Variants in ALDOB observed in about 807,000 individuals in gnomAD.
ALDOB encodes aldolase, fructose-bisphosphate B.
In ALDOB, 39 loss-of-function variants were observed where a neutral mutation model predicts 41.0. That is an observed-to-expected ratio of 0.95 (90% CI 0.74 to 1.24). ALDOB has a LOEUF of 1.24. ALDOB is among the 50% of genes most tolerant of loss of function. The pLI, the probability that ALDOB is intolerant of heterozygous loss-of-function variation, is 0.00. For synonymous variants in ALDOB, 175 were observed against 168.8 expected, an observed-to-expected ratio of 1.04 and a Z score of -0.28; for missense variants, 530 against 457.3, an observed-to-expected ratio of 1.16 and a Z score of -1.45.
intron 3 of ALDOB, among the ~76,000 whole-genome samples, 197 bp from the exon 4 acceptor site, chr9:101,428,720 T>G (rs1367702518): frequency 6.6e-6 from 1 of 152,124 alleles, no homozygotes; most frequent in Non-Finnish European, 1.5e-5. Flanking sequence ...ACCCTAACAT[T>G]TATTGAGCAC....
At chr9:101,429,637 A>G (rs1180251444) in intron 3 of ALDOB, 118 bp downstream of exon 3, 3 of 989,066 alleles carry the variant, frequency 3.0e-6, no homozygotes, top group Non-Finnish European at 4.9e-6. Flanking sequence ...GACGATGGAA[A>G]AGGGTGAGAA....
chr9:101,434,873 C>A (rs1190677332), intron 1 of ALDOB, among the ~76,000 whole-genome samples: 1 of 152,158 alleles, frequency 6.6e-6, no homozygotes, highest in African/African-American at 2.4e-5. Context: ...TGATGAATAG[C>A]AGGGTAGCAG....
At chr9:101,433,907 T>A (rs1212826551) in intron 1 of ALDOB, among the ~76,000 whole-genome samples, 1 of 151,764 alleles carries the variant, frequency 6.6e-6, no homozygotes, top group Non-Finnish European at 1.5e-5. Context: ...CAGCTGAAAC[T>A]ACAGGCGCCT....
chr9:101,433,436 C>T (rs1831247763), intron 1 of ALDOB, among the ~76,000 whole-genome samples: 1 of 152,300 alleles, frequency 6.6e-6, no homozygotes, highest in Non-Finnish European at 1.5e-5. Context: ...AATCATAAAA[C>T]AGGGTCACAG....
At chr9:101,429,219 C>A (rs927802882) in intron 3 of ALDOB, among the ~76,000 whole-genome samples, 5 of 148,712 alleles carry the variant, frequency 3.4e-5, no homozygotes, top group African/African-American at 1.2e-4. Context: ...AGTGGTATGA[C>A]CATAGCTCAC....
intron 3 of ALDOB, among the ~76,000 whole-genome samples, chr9:101,428,856 C>G (rs1203589695): frequency 1.3e-5 from 2 of 152,136 alleles, no homozygotes; most frequent in African/African-American, 4.8e-5. Flanking sequence ...TCTGACCTTG[C>G]CTTGTTGTGT....
rs1386294364 is a variant in ALDOB at position 101,421,043 on chromosome 9, T to C, written c.*766A>G. On this transcript the variant is annotated 3_prime_UTR_variant, in exon 9 of 9. Transcript: ENST00000647789. ...CTCAAAATCATTCTACATTTTTAGCTGGCTTCGTATTGTGAATGGCTTTAA... is the reference window on the plus strand; with the variant it reads ...CTCAAAATCATTCTACATTTTTAGCCGGCTTCGTATTGTGAATGGCTTTAA... The C allele has an allele frequency of 6.6e-6, 1 of 152,330 alleles. No homozygotes were observed. Among genetic ancestry groups the C allele is most frequent in the African/African-American group, 2.4e-5 (1 of 41,466 alleles). The allele number at this position is 152,330 out of a possible 1,614,324, so 9.4% of individuals were successfully genotyped here.
chr9:101,435,402 T>G (rs1230937553), intron 1 of ALDOB, among the ~76,000 whole-genome samples: 1 of 151,580 alleles, frequency 6.6e-6, no homozygotes, highest in African/African-American at 2.4e-5. Context: ...ACGATAGGAG[T>G]GTTCAAGTTG....
At chr9:101,433,177 T>C (rs1394166001) in intron 1 of ALDOB, among the ~76,000 whole-genome samples, 1 of 152,244 alleles carries the variant, frequency 6.6e-6, no homozygotes, top group African/African-American at 2.4e-5. Flanking sequence ...ACATGAAGAT[T>C]CTTTACAAAG....
chr9:101,424,763 A>G (rs891703200), intron 8 of ALDOB, 80 bp downstream of exon 8: 6 of 1,559,076 alleles, frequency 3.8e-6, no homozygotes, highest in Non-Finnish European at 5.3e-6. Flanking sequence ...TGGCCCAAAG[A>G]AAACAATGCT....
In ALDOB at chr9:101,426,566, C is replaced by A. The variant is rs765827273; in HGVS notation, c.613G>T (p.Val205Phe). 6.2e-7 allele frequency: 1 copy of A among 1,609,886 alleles called. No individual in the cohort carries two copies. The highest frequency in any genetic ancestry group is 8.5e-7 in the Non-Finnish European group (1 of 1,176,184). Residue 205 changes from valine to phenylalanine, a missense_variant, in exon 6 of 9, where the codon GTT (valine) becomes TTT (phenylalanine). Transcript: ENST00000647789. ...TATTTAAAACTTACCTTCTCAGTAA[C>A]ATACTGGCAGTGTTCCAGGTCATGG... ...GDHDLEHCQYVTEKVLAAVYK... is the reference protein window; with the variant it reads ...GDHDLEHCQYFTEKVLAAVYK...
rs1214370478 is a variant in ALDOB at position 101,421,774 on chromosome 9, A to G, written c.*35T>C. 5 of 1,581,080 alleles carry G rather than the reference A, an allele frequency of 3.2e-6. No homozygotes were observed. Among genetic ancestry groups the G allele is most frequent in the Non-Finnish European group, 4.3e-6 (5 of 1,150,526 alleles). ...GTTGCTCCCTTTCAGCCCTCCTACT[A>G]GAAGCACTGGAGCTAGGCTGGCGGG... On this transcript the variant is annotated 3_prime_UTR_variant, in exon 9 of 9. Transcript: ENST00000647789.
rs200382297 is a variant in ALDOB, at chr9:101,428,496, C to T, written c.352G>A (p.Gly118Arg). The T allele has an allele frequency of 7.2e-5, 116 of 1,613,906 alleles. No homozygotes were observed. Among genetic ancestry groups the T allele is most frequent in the Non-Finnish European group, 9.7e-5 (114 of 1,179,932 alleles). ...TGAATGGTGGTTTCTTTGTTTGTTC[C>T]TGCAAGAGGAGCACCTCCTTGGTCT... ...KLDQGGAPLA[G>R]TNKETTIQGL... The change falls in exon 4 of 9, where the codon GGA (glycine) becomes AGA (arginine). Residue 118 changes from glycine to arginine, a missense_variant. By Grantham distance (125) the Gly-to-Arg change is moderately radical. Transcript: ENST00000647789.
intron 1 of ALDOB, among the ~76,000 whole-genome samples, chr9:101,435,175 C>T (rs1381033467): frequency 6.6e-6 from 1 of 152,174 alleles, no homozygotes; most frequent in African/African-American, 2.4e-5. Flanking sequence ...TGCATTTCCT[C>T]ATTTGAGCAG....
In ALDOB at chr9:101,427,586, C is replaced by T. The variant is rs766354850; in HGVS notation, c.436G>A (p.Gly146Arg). The change falls in exon 5 of 9, where the codon GGG becomes AGG. Residue 146 changes from glycine to arginine, a missense_variant. By Grantham distance (125) the Gly-to-Arg change is moderately radical. Transcript: ENST00000647789. ...ATCCTCAGCACAGCACGCCACTTCC[C>T]AAAGTCAACACCATCTTTCTTGTAC... ...AQYKKDGVDF[G>R]KWRAVLRIAD... 2 of 1,614,184 alleles carry T rather than the reference C, an allele frequency of 1.2e-6. No homozygotes were observed. Among genetic ancestry groups the T allele is most frequent in the Non-Finnish European group, 1.7e-6 (2 of 1,180,030 alleles).
chr9:101,434,904 C>T (rs1314068697), intron 1 of ALDOB, among the ~76,000 whole-genome samples: 1 of 152,126 alleles, frequency 6.6e-6, no homozygotes, highest in African/African-American at 2.4e-5. Flanking sequence ...CTGGTGCATC[C>T]AAATTGTCTA....
At chr9:101,423,644 C>T (rs934676000) in intron 8 of ALDOB, among the ~76,000 whole-genome samples, 1 of 151,764 alleles carries the variant, frequency 6.6e-6, no homozygotes, top group Admixed American at 6.6e-5. Context: ...TCTTTTCTGC[C>T]TCTTCCCTCC....
At chr9:101,422,268 CTATAT>C (rs1831059667) in intron 8 of ALDOB, among the ~76,000 whole-genome samples, 1 of 152,128 alleles carries the variant, frequency 6.6e-6, no homozygotes, top group African/African-American at 2.4e-5. Flanking sequence ...CATTTTCTAC[CTATAT>C]TGGTCTAGAA....
intron 8 of ALDOB, among the ~76,000 whole-genome samples, chr9:101,422,663 T>G (rs1285906850): frequency 6.6e-6 from 1 of 152,178 alleles, no homozygotes; most frequent in Non-Finnish European, 1.5e-5. Context: ...AAAAATACAG[T>G]TAGGCAGAAG....
Sources: allele counts gnomAD v4.1 joint callset (sites outside exome capture counted in the v4.1 genomes callset), GRCh38; gene constraint gnomAD v4.1.1; transcripts MANE v1.5; gene names NCBI Gene and HGNC (gene_info 2026-07-23, HGNC 2026-07-21).